The following SLC6A11 variants were observed in gnomAD, a reference collection of about 807,000 sequenced individuals.
The protein encoded by SLC6A11 is sodium- and chloride-dependent GABA transporter 3.
SLC6A11 carries 25 observed loss-of-function variants against 74.8 expected under a neutral mutation model. That is an observed-to-expected ratio of 0.33 (90% CI 0.24 to 0.47). The LOEUF is 0.47. Among genes scored for constraint, SLC6A11 ranks in the 20% least tolerant of loss-of-function variants. The probability of loss-of-function intolerance (pLI) is 1.00; values close to 1 mark genes in which losing one functional copy is unlikely to be tolerated. For synonymous variants in SLC6A11, 330 were observed against 330.2 expected (o/e 1.00, Z 0.01); for missense variants, 574 against 837.0 (o/e 0.69, Z 3.88).
chr3:10,937,576 T>G (rs1695773425), intron 13 of SLC6A11, among the ~76,000 whole-genome samples: 1 of 152,116 alleles, frequency 6.6e-6, no homozygotes, highest in South Asian at 2.1e-4. Flanking sequence ...ACTTGGGGAG[T>G]GCAGATGAAG....
chr3:10,821,719 A>C (rs1340368279), intron 3 of SLC6A11, among the ~76,000 whole-genome samples: 2 of 152,214 alleles, frequency 1.3e-5, no homozygotes, highest in Non-Finnish European at 2.9e-5. Context: ...GAATACTGTA[A>C]TCACAAAGAC....
chr3:10,818,755 C>T (rs1447810777), intron 1 of SLC6A11, among the ~76,000 whole-genome samples: 2 of 152,172 alleles, frequency 1.3e-5, no homozygotes, highest in East Asian at 1.9e-4. Context: ...ATAGTTCATG[C>T]TCACCTCAGT....
chr3:10,937,368 T>G (rs1186138577), intron 13 of SLC6A11, among the ~76,000 whole-genome samples: 2 of 152,192 alleles, frequency 1.3e-5, no homozygotes, highest in Non-Finnish European at 2.9e-5. Flanking sequence ...AGGAGGCACC[T>G]ATTAATCGCA....
Position 10,938,262 on chromosome 3 carries a change from T to C in SLC6A11, c.1759T>C (p.Leu587=). The C allele has an allele frequency of 6.3e-7, 1 of 1,593,468 alleles. No individual in the cohort carries two copies. Among genetic ancestry groups the C allele is most frequent in the South Asian group, 1.1e-5 (1 of 88,846 alleles). ...TCCAACCATCCAGAAACTCCAGAAG[T>C]TGACGACCCCCAGCACAGATCTGAA... The part of the protein sequence containing the change: ...EGTLPEKLQK[L]TTPSTDLKMR... The change falls in exon 14 of 14, where the codon TTG becomes CTG. Residue 587 remains leucine (L), a synonymous_variant. Coordinates refer to ENST00000254488, the MANE Select transcript of SLC6A11 (RefSeq NM_014229.3).
chr3:10,855,738 C>T (rs11710402), intron 5 of SLC6A11, among the ~76,000 whole-genome samples: 28,774 of 152,108 alleles, frequency 0.19, 3,430 homozygotes, highest in South Asian at 0.34. Context: ...TAAACGTGAC[C>T]CTGGGGAGCC....
chr3:10,850,127 T>C, intron 5 of SLC6A11, among the ~76,000 whole-genome samples: 1 of 152,190 alleles, frequency 6.6e-6, no homozygotes, highest in East Asian at 1.9e-4. Flanking sequence ...TCTAATTTAT[T>C]AAAATAATTT....
chr3:10,838,839 G>A (rs1694401558), intron 4 of SLC6A11, among the ~76,000 whole-genome samples: 1 of 152,212 alleles, frequency 6.6e-6, no homozygotes, highest in African/African-American at 2.4e-5. Flanking sequence ...CCTGGCAGTG[G>A]TGTTGCCATG....
chr3:10,873,727 C>T (rs1186254688), intron 5 of SLC6A11, among the ~76,000 whole-genome samples: 1 of 148,570 alleles, frequency 6.7e-6, no homozygotes, highest in Non-Finnish European at 1.5e-5. Flanking sequence ...CCTATCCTAT[C>T]CTATCCCGTC....
At chr3:10,884,911 G>T (rs1054994058) in intron 6 of SLC6A11, among the ~76,000 whole-genome samples, 1 of 152,144 alleles carries the variant, frequency 6.6e-6, no homozygotes, top group African/African-American at 2.4e-5. Flanking sequence ...TCACTTATCT[G>T]CTTTAGTTTG....
At chr3:10,881,231 C>A (rs941662146) in intron 6 of SLC6A11, among the ~76,000 whole-genome samples, 26 of 152,158 alleles carry the variant, frequency 1.7e-4, no homozygotes, top group African/African-American at 6.3e-4. Context: ...GCCTGGCCAA[C>A]ATGGTGAAAC....
intron 7 of SLC6A11, among the ~76,000 whole-genome samples, chr3:10,912,909 G>A (rs888460538): frequency 6.6e-5 from 10 of 152,086 alleles, no homozygotes; most frequent in Admixed American, 2.6e-4. Context: ...TGCCTGGTAC[G>A]CAATAGGTTA....
chr3:10,878,116 A>G (rs1335706381), intron 6 of SLC6A11, among the ~76,000 whole-genome samples: 1 of 152,134 alleles, frequency 6.6e-6, no homozygotes, highest in African/African-American at 2.4e-5. Flanking sequence ...TGTAAATCCA[A>G]TGGGCACCTC....
chr3:10,923,347 A>G (rs1388110926), intron 8 of SLC6A11, among the ~76,000 whole-genome samples: 2 of 152,140 alleles, frequency 1.3e-5, no homozygotes, highest in African/African-American at 4.8e-5. Flanking sequence ...ATGCCAAAAA[A>G]TAAGGAAGTG....
chr3:10,873,689 CATCCTATCCTATCCTATCCT>C (rs796960855), intron 5 of SLC6A11, among the ~76,000 whole-genome samples: 2 of 134,614 alleles, frequency 1.5e-5, no homozygotes, highest in African/African-American at 5.7e-5. Flanking sequence ...TATCCCGTCC[CATCCTATCCTATCCTATCCT>C]ATCCTATCCT....
chr3:10,873,548 T>TCCTATGGCATGCTATCCTATCCTAC (rs1553671160), intron 5 of SLC6A11, among the ~76,000 whole-genome samples: 8,214 of 138,932 alleles, frequency 0.059, 712 homozygotes, highest in African/African-American at 0.16. Flanking sequence ...TCCTATCCTA[T>TCCTATGGCATGCTATCCTATCCTAC]CCTACCCTAC....
At chr3:10,886,822 A>AAT (rs1559571970) in intron 6 of SLC6A11, among the ~76,000 whole-genome samples, 3 of 152,072 alleles carry the variant, frequency 2.0e-5, no homozygotes, top group African/African-American at 7.3e-5. Flanking sequence ...AAAAAAAAAA[A>AAT]AAATCTCTCC....
intron 11 of SLC6A11, 130 bp downstream of exon 11, chr3:10,933,383 AG>A: frequency 1.5e-6 from 1 of 676,584 alleles, no homozygotes; most frequent in Non-Finnish European, 2.6e-6. Flanking sequence ...CTTACTCTTC[AG>A]GGATTCCTTG....
rs1196177282 is a variant in SLC6A11, at chr3:10,918,255, C to T, written c.996-74C>T. On this transcript the variant is annotated intron_variant, in intron 7 of 13. Transcript: ENST00000254488. This position sits in a 1 kb window ranked among gnomAD's most constrained non-coding sequence, Gnocchi z 4.5. ...TGCCTCACAGGACAGCCATGGTGCTCGGGTGGAGAACGTTTGAGCCGTGCA... is the reference window on the plus strand; with the variant it reads ...TGCCTCACAGGACAGCCATGGTGCTTGGGTGGAGAACGTTTGAGCCGTGCA... The T allele has an allele frequency of 6.9e-6, 10 of 1,458,652 alleles. No homozygotes were observed. The highest frequency in any genetic ancestry group is 3.0e-5 in the South Asian group (2 of 66,792). The allele number at this position is 1,458,652 out of a possible 1,614,324, so 90.4% of individuals were successfully genotyped here.
chr3:10,883,075 G>A lies in SLC6A11; in HGVS notation c.891+7980G>A, dbSNP rs191991625. On this transcript the variant is annotated intron_variant, in intron 6 of 13. Transcript: ENST00000254488. ...GCGGGGGGCGGGGAGGTGGGGGGGC[G>A]CTTTGAACTTGGAACCGAGGACCTT... Among the ~76,000 whole-genome samples, 814 of 152,284 alleles carry A rather than the reference G, an allele frequency of 5.3e-3. 6 individuals are homozygous for A. Among genetic ancestry groups the A allele is most frequent in the African/African-American group, 0.019 (772 of 41,548 alleles).
Sources: allele counts gnomAD v4.1 joint callset (sites outside exome capture counted in the v4.1 genomes callset), GRCh38; gene constraint gnomAD v4.1.1; non-coding constraint Gnocchi (gnomAD v3.1); transcripts MANE v1.5; gene names NCBI Gene and HGNC (gene_info 2026-07-23, HGNC 2026-07-21).